Variants in SESN1 observed in about 807,000 individuals in gnomAD.
SESN1 encodes the protein sestrin-1.
SESN1 carries 30 observed loss-of-function variants against 59.3 expected under a neutral mutation model. That is an observed-to-expected ratio of 0.51 (90% CI 0.38 to 0.69). The LOEUF (loss-of-function observed/expected upper bound fraction) is 0.69, where lower values mean the gene tolerates loss of function less well. Among genes scored for constraint, SESN1 ranks in the 30% least tolerant of loss-of-function variants. The pLI, the probability that SESN1 is intolerant of heterozygous loss-of-function variation, is 0.00. For missense variants in SESN1, 566 were observed against 673.0 expected (o/e 0.84, Z 1.76); for synonymous variants, 197 against 219.9 (o/e 0.90, Z 0.92).
intron 8 of SESN1, among the ~76,000 whole-genome samples, chr6:108,990,424 T>G (rs1779347984): frequency 6.6e-6 from 1 of 152,224 alleles, no homozygotes. Flanking sequence ...ATTCAATTCT[T>G]GTCAAGGTCC....
chr6:109,001,209 T>G (rs1183978256), intron 3 of SESN1, 79 bp downstream of exon 3: 2 of 1,162,434 alleles, frequency 1.7e-6, no homozygotes, highest in Non-Finnish European at 2.5e-6. Flanking sequence ...TATTTATCCC[T>G]GTGTTTAAAG....
At chr6:109,007,718 AC>A (rs539993513) in intron 1 of SESN1, among the ~76,000 whole-genome samples, 497 of 151,988 alleles carry the variant, frequency 3.3e-3, no homozygotes, top group African/African-American at 9.7e-3. Flanking sequence ...AGCAAAATGT[AC>A]TAACAATTAT....
chr6:109,082,772 A>G lies in SESN1; in HGVS notation c.279+11023T>C, dbSNP rs527526352. Among the ~76,000 whole-genome samples the G allele has an allele frequency of 3.3e-5, 5 of 152,350 alleles. No homozygotes were observed. In the South Asian group the frequency reaches 6.2e-4, roughly 19 times the overall value. The stretch of plus-strand genomic sequence containing the variant: ...GGAATTTAATGTACAAAAGGCAATT[A>G]GGGATTTTCAATACATGTGGATAAA... On this transcript the variant is annotated intron_variant, in intron 1 of 9. Coordinates refer to ENST00000436639, the MANE Select transcript of SESN1 (RefSeq NM_014454.3).
Position 108,998,582 on chromosome 6 carries a change from G to A in SESN1, c.903C>T (p.Cys301=). 1 of 1,613,900 alleles carries A rather than the reference G, an allele frequency of 6.2e-7. No individual in the cohort carries two copies. The highest frequency in any genetic ancestry group is 8.5e-7 in the Non-Finnish European group (1 of 1,179,804). ...TFRPPSVSNY[C]ICDITNGNHS... ...GATTGCCATTTGTAATGTCACAGAT[G>A]CAGTAGTTGCTAACAGAAGGAGGTC... Residue 301 remains cysteine (C), a synonymous_variant, in exon 5 of 10, where the codon TGC becomes TGT. Transcript: ENST00000436639.
intron 1 of SESN1, among the ~76,000 whole-genome samples, chr6:109,079,820 T>A (rs1781089858): frequency 6.6e-6 from 1 of 152,186 alleles, no homozygotes; most frequent in Non-Finnish European, 1.5e-5. Context: ...TAATGATAAT[T>A]TTCCATAATA....
At chr6:109,077,292 C>A (rs550109069) in intron 1 of SESN1, among the ~76,000 whole-genome samples, 2 of 151,938 alleles carry the variant, frequency 1.3e-5, no homozygotes, top group African/African-American at 4.8e-5. Context: ...ACAAAAAAAC[C>A]AAAAAACTCT....
At chr6:109,038,504 A>G (rs1464890671) in intron 1 of SESN1, among the ~76,000 whole-genome samples, 1 of 152,316 alleles carries the variant, frequency 6.6e-6, no homozygotes, top group South Asian at 2.1e-4. Context: ...GTCTCAAAAA[A>G]CAAAAAACAA....
chr6:108,995,039 T>G (rs1292377932), intron 5 of SESN1, among the ~76,000 whole-genome samples: 1 of 152,164 alleles, frequency 6.6e-6, no homozygotes, highest in Non-Finnish European at 1.5e-5. Flanking sequence ...GGGAAAATAT[T>G]CCTATAATTT....
At chr6:109,059,096 TACACAC>T (rs373238799) in intron 1 of SESN1, among the ~76,000 whole-genome samples, 1 of 149,816 alleles carries the variant, frequency 6.7e-6, no homozygotes, top group Non-Finnish European at 1.5e-5. Context: ...TATCACTTCA[TACACAC>T]ACACACACAC....
intron 5 of SESN1, 69 bp downstream of exon 5, chr6:108,998,436 GAAGCCAAC>G (rs1779543861): frequency 1.3e-6 from 2 of 1,561,296 alleles, no homozygotes; most frequent in South Asian, 2.4e-5. Flanking sequence ...GTTTTTCTAA[GAAGCCAAC>G]TGAAGAAATA....
In SESN1 at chr6:109,000,478, C is replaced by A. The variant is rs1425404480; in HGVS notation, c.729+13G>T. 2.0e-6 allele frequency: 3 copies of A among 1,512,078 alleles called. No individual in the cohort carries two copies. Among genetic ancestry groups the A allele is most frequent in the East Asian group, 2.4e-5 (1 of 41,344 alleles). The allele number at this position is 1,512,078 out of a possible 1,614,324, so 93.7% of individuals were successfully genotyped here. A position where few individuals can be genotyped will look rare whatever the true frequency, so the allele number is the denominator to read the frequency against. On this transcript the variant is annotated intron_variant, in intron 4 of 9. Transcript: ENST00000436639. ...CTGAAATGACTCCCAAGATATATTACCCCACTGCTTACCTCAATGTGTTCT... is the reference window on the plus strand; with the variant it reads ...CTGAAATGACTCCCAAGATATATTAACCCACTGCTTACCTCAATGTGTTCT...
Position 109,093,659 on chromosome 6 carries a change from A to G in SESN1, c.279+136T>C. On this transcript the variant is annotated intron_variant, in intron 1 of 9. Coordinates refer to ENST00000436639, the MANE Select transcript of SESN1 (RefSeq NM_014454.3). ...CTAGAAAAACACTACTTGTTTACTT[A>G]CAGAACACTCTAAAGATGTAAACTC... 6 of 861,690 alleles carry G rather than the reference A, an allele frequency of 7.0e-6. 1 individual carries two copies. The South Asian group carries it at 1.1e-4, about 16-fold the overall frequency. The allele number at this position is 861,690 out of a possible 1,614,324, so 53.4% of individuals were successfully genotyped here. A position where few individuals can be genotyped will look rare whatever the true frequency, so the allele number is the denominator to read the frequency against.
intron 1 of SESN1, among the ~76,000 whole-genome samples, chr6:109,017,144 C>T (rs1468584972): frequency 6.6e-6 from 1 of 152,034 alleles, no homozygotes; most frequent in Non-Finnish European, 1.5e-5. Context: ...TGTTGTAGTT[C>T]CCACAGCTTT....
At position 108,998,681 on chromosome 6, in the gene SESN1, A is replaced by G. The variant is rs144838747; in HGVS notation, c.804T>C (p.Tyr268=). The change falls in exon 5 of 10, where the codon TAT becomes TAC. Residue 268 remains tyrosine, a synonymous_variant. Coordinates refer to ENST00000436639, the MANE Select transcript of SESN1 (RefSeq NM_014454.3). ...CGAATGTGAATGAGGCAAGAGAATG[A>G]TAGTGTGTGAGTAAAACTACTGCAT... is the stretch of plus-strand genomic sequence containing the variant. ...LVHAVVLLTH[Y]HSLASFTFGC... The G allele has an allele frequency of 9.8e-5, 158 of 1,613,892 alleles. 1 individual carries two copies. In the South Asian group the frequency reaches 1.7e-3, roughly 17 times the overall value.
rs779366759 is a variant in SESN1 at position 109,022,411 on chromosome 6, C to CTTT, written c.280-20071_280-20069dup. Among the ~76,000 whole-genome samples the CTTT allele has an allele frequency of 5.0e-4, 33 of 65,882 alleles. 1 individual carries two copies. The highest frequency in any genetic ancestry group is 6.0e-4 in the South Asian group (1 of 1,670). The allele number at this position is 65,882 out of a possible 152,430, so 43.2% of individuals were successfully genotyped here. ...GTATGCATCAGGCATTGTTCTAAAG[C>CTTT]TTTTTTTTTTTTTTTTTTTTTTTTT... On this transcript the variant is annotated intron_variant, in intron 1 of 9. Transcript: ENST00000436639.
At chr6:109,033,338 TA>T (rs1282132916) in intron 1 of SESN1, among the ~76,000 whole-genome samples, 1 of 152,160 alleles carries the variant, frequency 6.6e-6, no homozygotes, top group Non-Finnish European at 1.5e-5. Flanking sequence ...TTAATTAGAA[TA>T]AAAAAATTTA....
Position 108,998,848 on chromosome 6 carries a change from G to A in SESN1, c.730-93C>T, listed in dbSNP as rs868376861. On this transcript the variant is annotated intron_variant, in intron 4 of 9. Coordinates refer to ENST00000436639, the MANE Select transcript of SESN1 (RefSeq NM_014454.3). The stretch of plus-strand genomic sequence containing the variant: ...AGTATTTAATTTATTGAAAACATGA[G>A]TCATCATACAAAGCCTAGCATAAAA... The A allele has an allele frequency of 1.6e-5, 22 of 1,391,332 alleles. 1 individual carries two copies. The Middle Eastern group carries it at 6.7e-4, about 43-fold the overall frequency. The allele number at this position is 1,391,332 out of a possible 1,614,324, so 86.2% of individuals were successfully genotyped here.
intron 1 of SESN1, among the ~76,000 whole-genome samples, chr6:109,017,965 G>A (rs1242916843): frequency 6.6e-6 from 1 of 152,126 alleles, no homozygotes; most frequent in African/African-American, 2.4e-5. Flanking sequence ...CCAGGAGTTT[G>A]AGACTAGCCT....
At chr6:109,029,407 T>C (rs1780147553) in intron 1 of SESN1, among the ~76,000 whole-genome samples, 1 of 152,232 alleles carries the variant, frequency 6.6e-6, no homozygotes, top group South Asian at 2.1e-4. Flanking sequence ...TGATTTTGCT[T>C]TATTAAATCT....
Sources: gnomAD v4.1 joint callset for allele counts (sites outside exome capture counted in the v4.1 genomes callset) on GRCh38, gnomAD v4.1.1 for gene constraint, MANE v1.5 for transcripts, NCBI Gene and HGNC (gene_info 2026-07-23, HGNC 2026-07-21) for gene names.